The following STIM1 variants were observed in gnomAD, a reference collection of about 807,000 sequenced individuals.
STIM1 encodes the protein stromal interaction molecule 1.
In STIM1, 25 loss-of-function variants were observed where a neutral mutation model predicts 74.7. The ratio of observed to expected loss-of-function variants is 0.33; its 90% CI spans 0.24 to 0.47. The LOEUF is 0.47. Among genes scored for constraint, STIM1 ranks in the 20% least tolerant of loss-of-function variants. STIM1 has a pLI of 1.00. For synonymous variants in STIM1, 328 were observed against 348.8 expected (o/e 0.94, Z 0.66); for missense variants, 728 against 920.8 (o/e 0.79, Z 2.71).
chr11:4,074,845 AT>A (rs2094428583), intron 7 of STIM1, among the ~76,000 whole-genome samples, 166 bp downstream of exon 7: 1 of 152,220 alleles, frequency 6.6e-6, no homozygotes, highest in South Asian at 2.1e-4. Flanking sequence ...GTTGTAAAAA[AT>A]AGTCACTATG....
intron 3 of STIM1, among the ~76,000 whole-genome samples, chr11:4,043,665 C>A (rs750615344): frequency 1.3e-5 from 2 of 152,032 alleles, no homozygotes; most frequent in African/African-American, 4.8e-5. Context: ...AACACATATA[C>A]GTATATTGGC....
At chr11:4,057,869 CAA>C (rs530122383) in intron 4 of STIM1, among the ~76,000 whole-genome samples, 25 of 58,584 alleles carry the variant, frequency 4.3e-4, no homozygotes, top group Admixed American at 6.0e-4. Flanking sequence ...GACTCCGTCT[CAA>C]AAAAAAAAAA....
At chr11:3,915,467 G>A (rs773142688) in intron 1 of STIM1, among the ~76,000 whole-genome samples, 6 of 150,174 alleles carry the variant, frequency 4.0e-5, no homozygotes, top group Non-Finnish European at 7.4e-5. Flanking sequence ...GTGCCATCTC[G>A]GCTCACTGCA....
intron 1 of STIM1, among the ~76,000 whole-genome samples, chr11:3,953,598 AC>A (rs2093175081): frequency 6.6e-6 from 1 of 152,064 alleles, no homozygotes; most frequent in African/African-American, 2.4e-5. Flanking sequence ...GGGCAAAACA[AC>A]CCATTTTATG....
At chr11:3,998,167 C>T (rs998203827) in intron 2 of STIM1, among the ~76,000 whole-genome samples, 2 of 152,132 alleles carry the variant, frequency 1.3e-5, no homozygotes, top group African/African-American at 4.8e-5. Context: ...GTTGAATTTA[C>T]TCATTTATGC....
chr11:3,919,025 A>G (rs2092685593), intron 1 of STIM1, among the ~76,000 whole-genome samples: 1 of 152,204 alleles, frequency 6.6e-6, no homozygotes, highest in African/African-American at 2.4e-5. Flanking sequence ...GAAAACTGCT[A>G]GACAGTTTAT....
chr11:4,070,109 C>G lies in STIM1; in HGVS notation c.697C>G (p.Gln233Glu). 2 of 1,614,186 alleles carry G rather than the reference C, an allele frequency of 1.2e-6. No homozygotes were observed. The highest frequency in any genetic ancestry group is 1.7e-6 in the Non-Finnish European group (2 of 1,180,028). Residue 233 changes from glutamine (Q) to glutamate (E), a missense_variant, in exon 6 of 13, where the codon CAG (glutamine) becomes GAG (glutamate). By Grantham distance (29) the Gln-to-Glu change is conservative (BLOSUM62 2). Transcript: ENST00000526596. The part of the protein sequence containing the change: ...GVGGCWFAYI[Q>E]NRYSKEHMKK... ...GGGCGGCTGCTGGTTTGCCTATATC[C>G]AGAACCGTTACTCCAAGGAGCACAT...
intron 3 of STIM1, among the ~76,000 whole-genome samples, chr11:4,044,727 C>G (rs568186499): frequency 6.6e-6 from 1 of 152,270 alleles, no homozygotes; most frequent in South Asian, 2.1e-4. Flanking sequence ...TCCTTTTCCC[C>G]TACAGCTTAG....
At chr11:3,994,772 A>T (rs1340360977) in intron 2 of STIM1, among the ~76,000 whole-genome samples, 1 of 151,704 alleles carries the variant, frequency 6.6e-6, no homozygotes, top group Non-Finnish European at 1.5e-5. Flanking sequence ...TCTGGTATTC[A>T]TATATTGGTG....
intron 1 of STIM1, among the ~76,000 whole-genome samples, chr11:3,900,105 C>T (rs1382137601): frequency 1.3e-5 from 2 of 152,122 alleles, no homozygotes; most frequent in East Asian, 3.9e-4. Context: ...CCAGTTCCTC[C>T]TTGTACCTCT....
intron 1 of STIM1, among the ~76,000 whole-genome samples, chr11:3,857,082 A>G (rs1190957610): frequency 7.4e-6 from 1 of 135,088 alleles, no homozygotes; most frequent in Non-Finnish European, 1.6e-5. Context: ...GAGGGTGGGA[A>G]TTCCATGCTA....
chr11:4,057,666 C>T (rs994683829), intron 4 of STIM1, among the ~76,000 whole-genome samples: 6 of 151,972 alleles, frequency 3.9e-5, no homozygotes, highest in East Asian at 1.9e-4. Flanking sequence ...GTCAGGTGAT[C>T]GAGACTATCC....
At chr11:4,023,284 G>A (rs2136016351) in intron 2 of STIM1, among the ~76,000 whole-genome samples, 1 of 152,200 alleles carries the variant, frequency 6.6e-6, no homozygotes, top group East Asian at 1.9e-4. Flanking sequence ...AGCTGAAATT[G>A]CGCCACTGCA....
chr11:3,967,968 C>A (rs560252318), intron 2 of STIM1, among the ~76,000 whole-genome samples: 1 of 152,110 alleles, frequency 6.6e-6, no homozygotes, highest in South Asian at 2.1e-4. Context: ...GAGAGAGATC[C>A]CTGAGGCTGG....
intron 6 of STIM1, among the ~76,000 whole-genome samples, chr11:4,070,864 G>T (rs183700294): frequency 5.3e-4 from 81 of 152,300 alleles, no homozygotes; most frequent in African/African-American, 1.9e-3. Flanking sequence ...AGTCAGTCCT[G>T]ACGTCTAGGA....
chr11:3,919,710 A>G (rs1291278699), intron 1 of STIM1, among the ~76,000 whole-genome samples: 2 of 152,146 alleles, frequency 1.3e-5, no homozygotes, highest in African/African-American at 4.8e-5. Flanking sequence ...TTGAGTGAGG[A>G]TGAAAGCTGC....
chr11:3,940,313 A>G (rs1029607675), intron 1 of STIM1, among the ~76,000 whole-genome samples: 3 of 152,208 alleles, frequency 2.0e-5, no homozygotes, highest in Non-Finnish European at 4.4e-5. Context: ...AGACACATAC[A>G]TAAATGGGAA....
chr11:4,012,557 T>G (rs567153947), intron 2 of STIM1, among the ~76,000 whole-genome samples: 69 of 152,330 alleles, frequency 4.5e-4, no homozygotes, highest in African/African-American at 1.6e-3. Context: ...ATGCTTGTGA[T>G]TTTTGCACAT....
intron 2 of STIM1, among the ~76,000 whole-genome samples, chr11:3,975,056 C>G (rs1215893570): frequency 6.6e-6 from 1 of 152,174 alleles, no homozygotes; most frequent in Non-Finnish European, 1.5e-5. Flanking sequence ...AGGGATTCCA[C>G]AGTGTACAAA....
Sources: gnomAD v4.1 joint callset for allele counts (sites outside exome capture counted in the v4.1 genomes callset) on GRCh38, gnomAD v4.1.1 for gene constraint, MANE v1.5 for transcripts, NCBI Gene and HGNC (gene_info 2026-07-23, HGNC 2026-07-21) for gene names.